FANCD2: variants seen among roughly 807,000 people sequenced by gnomAD.
FANCD2 encodes the protein FA complementation group D2.
A neutral mutation model predicts 192.3 loss-of-function variants in FANCD2; 131 were observed. The observed-to-expected ratio is 0.68, with a 90% CI of 0.59 to 0.79. FANCD2 has a LOEUF of 0.79. FANCD2 is among the 30% of genes least tolerant of loss of function. The pLI is 0.00. For missense variants in FANCD2, 1,508 were observed against 1,701.6 expected (o/e 0.89, Z 2.00); for synonymous variants, 524 against 612.5 (o/e 0.86, Z 2.13).
At chr3:10,088,988 A>G (rs1447670447) in intron 36 of FANCD2, 38 bp downstream of exon 36, 2 of 1,611,746 alleles carry the variant, frequency 1.2e-6, no homozygotes, top group Admixed American at 3.3e-5. Context: ...CCCTTAAGAT[A>G]GAATCATCAT....
Position 10,087,281 on chromosome 3 carries a change from C to CTTT in FANCD2, c.3466+34_3466+36dup, listed in dbSNP as rs371321981. 0.071 allele frequency: 90,581 copies of CTTT among 1,275,722 alleles called. 3,136 individuals are homozygous for CTTT. Among genetic ancestry groups the CTTT allele is most frequent in the African/African-American group, 0.26 (13,763 of 52,122 alleles). The allele number at this position is 1,275,722 out of a possible 1,614,324, so 79.0% of individuals were successfully genotyped here. On this transcript the variant is annotated intron_variant, in intron 34 of 43. Coordinates refer to ENST00000675286, the MANE Select transcript of FANCD2 (RefSeq NM_001018115.3). ...AAAAAATTGGTGATGGGCCTAGATCCTTTTTTTTTTTTTTTTTTTAATGAA... is the reference window on the plus strand; with the variant it reads ...AAAAAATTGGTGATGGGCCTAGATCCTTTTTTTTTTTTTTTTTTTTTTAATGAA...
chr3:10,042,117 T>G (rs550814029), intron 10 of FANCD2, among the ~76,000 whole-genome samples: 1 of 152,176 alleles, frequency 6.6e-6, no homozygotes, highest in Admixed American at 6.5e-5. Context: ...AGGCTGGTCT[T>G]GAACTCCGGA....
At chr3:10,056,331 A>G (rs989014852) in intron 18 of FANCD2, among the ~76,000 whole-genome samples, 14 of 152,012 alleles carry the variant, frequency 9.2e-5, no homozygotes, top group Non-Finnish European at 4.4e-5. Flanking sequence ...TTTAGGGTGT[A>G]TATCTAAGAG....
At chr3:10,052,294 A>G (rs902960660) in intron 17 of FANCD2, 93 bp from the exon 18 acceptor site, 6 of 821,008 alleles carry the variant, frequency 7.3e-6, no homozygotes, top group African/African-American at 1.7e-5. Context: ...CTGGCTATCT[A>G]TGTGTGTCTC....
rs781266359 is a variant in FANCD2, at chr3:10,074,589, C to A, written c.2775C>A (p.Phe925Leu). 4 of 1,613,584 alleles carry A rather than the reference C, an allele frequency of 2.5e-6. No homozygotes were observed. The South Asian group carries it at 4.4e-5, about 18-fold the overall frequency. The change falls in exon 29 of 44, where the codon TTC becomes TTA. Residue 925 changes from phenylalanine (F) to leucine (L), a missense_variant. Phe to Leu is a conservative substitution (Grantham distance 22). Transcript: ENST00000675286. ...SLLLHNSHAF[F>L]RELDIEVFSI... Reference sequence around the variant, plus strand: ...TACTACATAATTCCCATGCTTTTTTCCGAGAGCTGGACATTGAGGTCTTCT... The same window carrying A: ...TACTACATAATTCCCATGCTTTTTTACGAGAGCTGGACATTGAGGTCTTCT...
Position 10,054,514 on chromosome 3 carries a change from C to T in FANCD2, c.1656+2017C>T, listed in dbSNP as rs185930260. On this transcript the variant is annotated intron_variant, in intron 18 of 43. Coordinates refer to ENST00000675286, the MANE Select transcript of FANCD2 (RefSeq NM_001018115.3). The stretch of plus-strand genomic sequence containing the variant: ...TTTTTTTTTTTTTGAGATGGAGTCT[C>T]GCACTGTCACCCAGGCTGGAGTGCA... Among the ~76,000 whole-genome samples the T allele has an allele frequency of 2.9e-3, 267 of 92,076 alleles. 7 individuals carry two copies. In the South Asian group the frequency reaches 0.037, roughly 13 times the overall value. The allele number at this position is 92,076 out of a possible 152,430, so 60.4% of individuals were successfully genotyped here.
intron 34 of FANCD2, 141 bp downstream of exon 34, chr3:10,087,405 G>C: frequency 1.3e-6 from 1 of 786,410 alleles, no homozygotes; most frequent in South Asian, 1.7e-5. Flanking sequence ...GCTATACCAA[G>C]AAGGTCATTT....
At chr3:10,033,021 G>T (rs1360672107) in intron 3 of FANCD2, 49 bp downstream of exon 3, 2 of 1,384,990 alleles carry the variant, frequency 1.4e-6, no homozygotes, top group Admixed American at 3.4e-5. Flanking sequence ...AAATAGTTCA[G>T]GACTGAATCA....
Position 10,039,769 on chromosome 3 carries a change from C to A in FANCD2, c.619C>A (p.Leu207Met). The A allele has an allele frequency of 6.2e-7, 1 of 1,614,012 alleles. No individual in the cohort carries two copies. The highest frequency in any genetic ancestry group is 8.5e-7 in the Non-Finnish European group (1 of 1,180,022). The change falls in exon 9 of 44, where the codon CTG becomes ATG. Residue 207 changes from leucine to methionine, a missense_variant. Transcript: ENST00000675286. ...GCTGATCAGTATTGCTCCAGAGAAC[C>A]TGCAGCATGACATCATCACCAGCCT... ...MQLISIAPENLQHDIITSLPE... is the reference protein window; with the variant it reads ...MQLISIAPENMQHDIITSLPE...
chr3:10,044,488 C>G (rs375435111), intron 14 of FANCD2, among the ~76,000 whole-genome samples: 93 of 151,972 alleles, frequency 6.1e-4, no homozygotes, highest in African/African-American at 2.2e-3. Flanking sequence ...GCCAATGTAG[C>G]GAAACCCCGT....
intron 25 of FANCD2, among the ~76,000 whole-genome samples, 172 bp from the exon 26 acceptor site, chr3:10,067,037 T>G (rs552762156): frequency 6.6e-6 from 1 of 152,248 alleles, no homozygotes; most frequent in African/African-American, 2.4e-5. Flanking sequence ...ATCTCCTATA[T>G]TTTGGGCCAG....
Position 10,041,604 on chromosome 3 carries a change from C to A in FANCD2, c.696-19C>A, listed in dbSNP as rs1490444509. The A allele has an allele frequency of 6.4e-7, 1 of 1,573,640 alleles. No homozygotes were observed. Among genetic ancestry groups the A allele is most frequent in the African/African-American group, 1.3e-5 (1 of 74,198 alleles). ...GTTCAAACCATTATACAACTTTTTT[C>A]TTTTTCTACCATTCACAGTGACCTA... On this transcript the variant is annotated intron_variant, in intron 9 of 43. Transcript: ENST00000675286.
chr3:10,092,055 C>A, intron 37 of FANCD2, 126 bp from the exon 38 acceptor site: 1 of 805,006 alleles, frequency 1.2e-6, no homozygotes, highest in Non-Finnish European at 2.2e-6. Flanking sequence ...CTGGTTGCTA[C>A]ATCTAAGGAT....
chr3:10,087,207 C>T lies in FANCD2; in HGVS notation c.3409C>T (p.Leu1137Phe). Residue 1137 changes from leucine to phenylalanine, a missense_variant, in exon 34 of 44, where the codon CTT (leucine) becomes TTT (phenylalanine). Physicochemically the swap from Leu to Phe is conservative, Grantham distance 22. This residue lies in a region of FANCD2 where 796 missense variants were observed against 879.4 expected (regional missense o/e 0.91). Coordinates refer to ENST00000675286, the MANE Select transcript of FANCD2 (RefSeq NM_001018115.3). The part of the protein sequence containing the change: ...SFQCALYLIR[L>F]LMVILEKSTA... ...CCAGTGTGCTCTTTATCTCATCAGA[C>T]TTTTGATGGTTATTTTGGAGAAATC... The T allele has an allele frequency of 6.2e-7, 1 of 1,608,752 alleles. No homozygotes were observed. Among genetic ancestry groups the T allele is most frequent in the Non-Finnish European group, 8.5e-7 (1 of 1,177,402 alleles).
intron 41 of FANCD2, 125 bp from the exon 42 acceptor site, chr3:10,096,200 TG>T (rs1171402234): frequency 1.1e-5 from 10 of 942,258 alleles, no homozygotes; most frequent in African/African-American, 3.2e-5. Context: ...TCCTGTTTGA[TG>T]GAACATACCG....
At position 10,081,163 on chromosome 3, in the gene FANCD2, C is replaced by G. The variant is rs1229187109; in HGVS notation, c.3040C>G (p.His1014Asp). Residue 1014 changes from histidine to aspartate, a missense_variant, in exon 31 of 44, where the codon CAT becomes GAT. Coordinates refer to ENST00000675286, the MANE Select transcript of FANCD2 (RefSeq NM_001018115.3). ...ACAGAGATCTGCCCAAGAAATTGTTCATTGTGTTTTTCAACTGCTGACCCC... is the reference window on the plus strand; with the variant it reads ...ACAGAGATCTGCCCAAGAAATTGTTGATTGTGTTTTTCAACTGCTGACCCC... Reference protein sequence around the residue: ...LQQRSAQEIVHCVFQLLTPMC... With the variant: ...LQQRSAQEIVDCVFQLLTPMC... 2 of 1,614,142 alleles carry G rather than the reference C, an allele frequency of 1.2e-6. No homozygotes were observed. The highest frequency in any genetic ancestry group is 3.3e-5 in the Admixed American group (2 of 60,024).
intron 17 of FANCD2, among the ~76,000 whole-genome samples, chr3:10,051,188 G>A (rs904522387): frequency 2.0e-5 from 3 of 150,642 alleles, no homozygotes; most frequent in Non-Finnish European, 3.0e-5. Flanking sequence ...AGACCATCCC[G>A]GCTAAAACGG....
At chr3:10,073,968 T>G (rs577842154) in intron 28 of FANCD2, among the ~76,000 whole-genome samples, 1 of 152,166 alleles carries the variant, frequency 6.6e-6, no homozygotes, top group East Asian at 1.9e-4. Context: ...GTTTTTGAGA[T>G]GGAGTCTCAC....
chr3:10,043,295 T>C (rs879456435), intron 12 of FANCD2, 145 bp downstream of exon 12: 3 of 785,492 alleles, frequency 3.8e-6, no homozygotes, highest in Non-Finnish European at 6.5e-6. Flanking sequence ...TATATGTATG[T>C]GAGTATGTAT....
Sources: allele counts gnomAD v4.1 joint callset (sites outside exome capture counted in the v4.1 genomes callset), GRCh38; gene constraint gnomAD v4.1.1; regional missense constraint gnomAD v4.1.1; transcripts MANE v1.5; gene names NCBI Gene and HGNC (gene_info 2026-07-23, HGNC 2026-07-21).